Variants in TAAR5 observed in about 807,000 individuals in gnomAD.
TAAR5 encodes trace amine-associated receptor 5.
A neutral mutation model predicts 21.1 loss-of-function variants in TAAR5; 27 were observed. The observed-to-expected ratio is 1.28, with a 90% CI of 0.94 to 1.76. The LOEUF is 1.76. TAAR5 is among the 40% of genes most tolerant of loss of function. The pLI is 0.00. For synonymous variants in TAAR5, 203 were observed against 167.5 expected (o/e 1.21, Z -1.64); for missense variants, 495 against 405.6 (o/e 1.22, Z -1.89).
chr6:132,602,374 G>A, the TAAR5 span, among the ~76,000 whole-genome samples: 1 of 152,166 alleles, frequency 6.6e-6, no homozygotes, highest in Non-Finnish European at 1.5e-5. Flanking sequence ...CAGGGGTGAT[G>A]GGAGACAGTG....
chr6:132,590,536 T>G (rs1334355652), upstream of TAAR5, among the ~76,000 whole-genome samples: 1 of 152,210 alleles, frequency 6.6e-6, no homozygotes, highest in African/African-American at 2.4e-5. Context: ...AAATGTTTCT[T>G]GGAGCAGGTG....
At chr6:132,593,961 C>T (rs1391414658), upstream of TAAR5, among the ~76,000 whole-genome samples, 2 of 152,176 alleles carry the variant, frequency 1.3e-5, no homozygotes, top group East Asian at 1.9e-4. Flanking sequence ...TGCCCAGGCT[C>T]TCTCCCACTT....
chr6:132,604,427 G>A, the TAAR5 span, among the ~76,000 whole-genome samples: 5 of 152,000 alleles, frequency 3.3e-5, no homozygotes, highest in African/African-American at 9.6e-5. Flanking sequence ...ACAGGCATGC[G>A]TCACTGTGCC....
chr6:132,608,104 A>G, the TAAR5 span: 47 of 344,028 alleles, frequency 1.4e-4, no homozygotes, highest in African/African-American at 9.7e-4. Flanking sequence ...CCTCTTGTGT[A>G]GGTGATAGAA....
At chr6:132,614,694 A>G in the TAAR5 span, among the ~76,000 whole-genome samples, 1 of 152,206 alleles carries the variant, frequency 6.6e-6, no homozygotes, top group Non-Finnish European at 1.5e-5. Context: ...TGATTCATAT[A>G]TAAGTTTGCT....
the TAAR5 span, among the ~76,000 whole-genome samples, chr6:132,609,831 C>T: frequency 2.0e-5 from 3 of 152,080 alleles, no homozygotes; most frequent in African/African-American, 4.8e-5. Context: ...ATATTGCTGC[C>T]GAAACATGCA....
upstream of TAAR5, among the ~76,000 whole-genome samples, chr6:132,591,639 A>G (rs370051446): frequency 1.3e-5 from 2 of 152,216 alleles, no homozygotes; most frequent in East Asian, 3.8e-4. Flanking sequence ...CATAATCCAC[A>G]TATAATTGGC....
At chr6:132,595,900 A>T in the TAAR5 span, among the ~76,000 whole-genome samples, 1 of 152,320 alleles carries the variant, frequency 6.6e-6, no homozygotes, top group Non-Finnish European at 1.5e-5. Context: ...TATTATGCTG[A>T]TGCTTCCTTT....
the TAAR5 span, among the ~76,000 whole-genome samples, chr6:132,601,238 T>C: frequency 6.6e-6 from 1 of 152,190 alleles, no homozygotes; most frequent in East Asian, 1.9e-4. Context: ...GAATTTTTAA[T>C]AGAATTTTTT....
the TAAR5 span, chr6:132,608,912 A>C: frequency 2.2e-6 from 1 of 455,908 alleles, no homozygotes; most frequent in African/African-American, 2.0e-5. Flanking sequence ...GCAATGGAAC[A>C]GAGGTGGAAA....
At chr6:132,612,061 C>T in the TAAR5 span, among the ~76,000 whole-genome samples, 1 of 152,136 alleles carries the variant, frequency 6.6e-6, no homozygotes, top group African/African-American at 2.4e-5. Flanking sequence ...CACTCATTGC[C>T]TCTCTTTATT....
chr6:132,591,150 T>C (rs1776900541), upstream of TAAR5, among the ~76,000 whole-genome samples: 1 of 152,168 alleles, frequency 6.6e-6, no homozygotes, highest in African/African-American at 2.4e-5. Context: ...TCTCTCTGCT[T>C]CCCCATTGGT....
At chr6:132,602,265 T>TTTCTATTA in the TAAR5 span, among the ~76,000 whole-genome samples, 1 of 152,166 alleles carries the variant, frequency 6.6e-6, no homozygotes, top group South Asian at 2.1e-4. Context: ...ATTTCTATTA[T>TTTCTATTA]TACATTGTAA....
the TAAR5 span, among the ~76,000 whole-genome samples, chr6:132,598,539 C>T: frequency 8.5e-5 from 13 of 152,168 alleles, no homozygotes; most frequent in Non-Finnish European, 1.9e-4. Flanking sequence ...TTGTTGTCTG[C>T]CCTGCTCACA....
At chr6:132,612,673 A>G in the TAAR5 span, among the ~76,000 whole-genome samples, 6,915 of 152,236 alleles carry the variant, frequency 0.045, 291 homozygotes, top group African/African-American at 0.1. Context: ...GTGTCCCATT[A>G]AGGTGTGAAG....
the TAAR5 span, among the ~76,000 whole-genome samples, chr6:132,601,110 AG>A: frequency 6.5e-3 from 763 of 117,808 alleles, 9 homozygotes; most frequent in Non-Finnish European, 9.3e-3. Flanking sequence ...GGAGGGAAGA[AG>A]GGAAGGAGGG....
At chr6:132,594,893 C>G in the TAAR5 span, 1 of 152,164 alleles carries the variant, frequency 6.6e-6, no homozygotes, top group Admixed American at 6.6e-5. Flanking sequence ...ATGGCTGCAA[C>G]AAACTCTTCT....
chr6:132,608,900 T>C, the TAAR5 span: 5 of 455,808 alleles, frequency 1.1e-5, no homozygotes, highest in East Asian at 2.1e-4. Context: ...AATCGGTCAA[T>C]AGCAATGGAA....
At chr6:132,607,657 G>A in the TAAR5 span, among the ~76,000 whole-genome samples, 2 of 152,158 alleles carry the variant, frequency 1.3e-5, no homozygotes, top group Non-Finnish European at 2.9e-5. Context: ...AGCTCAAATT[G>A]CATATGGTGA....
Sources: allele counts gnomAD v4.1 joint callset (sites outside exome capture counted in the v4.1 genomes callset), GRCh38; gene constraint gnomAD v4.1.1; transcripts MANE v1.5; gene names NCBI Gene and HGNC (gene_info 2026-07-23, HGNC 2026-07-21).